RSU1: variants seen among roughly 807,000 people sequenced by gnomAD.
RSU1 encodes rsu-1.
A neutral mutation model predicts 31.1 loss-of-function variants in RSU1; 26 were observed. The observed-to-expected ratio is 0.84, with a 90% confidence interval of 0.61 to 1.16. The LOEUF is 1.16. Ranked by LOEUF, RSU1 falls within the 50% of genes most tolerant of loss-of-function variation. The pLI is 0.00. For synonymous variants in RSU1, 164 were observed against 136.3 expected (o/e 1.20, Z -1.41); for missense variants, 320 against 339.1 (o/e 0.94, Z 0.44).
At chr10:16,801,097 TAA>T (rs199590345) in intron 2 of RSU1, among the ~76,000 whole-genome samples, 3 of 147,170 alleles carry the variant, frequency 2.0e-5, no homozygotes, top group South Asian at 2.1e-4. Flanking sequence ...ATCTTTTTTT[TAA>T]AAAAAAAAAC....
intron 4 of RSU1, 68 bp from the exon 5 acceptor site, chr10:16,755,057 C>T (rs570538331): frequency 3.4e-6 from 3 of 885,158 alleles, no homozygotes; most frequent in African/African-American, 3.4e-5. Context: ...ATCAAGGGCA[C>T]CTCTGTTTCA....
intron 8 of RSU1, among the ~76,000 whole-genome samples, chr10:16,613,386 T>G (rs1182701621): frequency 1.3e-5 from 2 of 152,182 alleles, no homozygotes; most frequent in African/African-American, 4.8e-5. Context: ...AGCACAATGG[T>G]TCAGAGACTG....
chr10:16,660,206 G>C (rs961414316), intron 8 of RSU1, among the ~76,000 whole-genome samples: 1 of 152,166 alleles, frequency 6.6e-6, no homozygotes, highest in African/African-American at 2.4e-5. Context: ...TAAAAGGCTT[G>C]GGCTTCCGAA....
In RSU1 at chr10:16,695,164, G is replaced by GC. The variant is rs1835649436; in HGVS notation, c.599-10_599-9insG. On this transcript the variant is annotated splice_polypyrimidine_tract_variant and intron_variant, in intron 7 of 8. Transcript: ENST00000345264. ...AGTTAAATCCAAGTTTCCTGGGGGGGGGGAAAAAAAAAGTGAAGGTCACTT... is the reference window on the plus strand; with the variant it reads ...AGTTAAATCCAAGTTTCCTGGGGGGGCGGGAAAAAAAAAGTGAAGGTCACTT... 1 of 1,459,888 alleles carries GC rather than the reference G, an allele frequency of 6.8e-7. No homozygotes were observed. The highest frequency in any genetic ancestry group is 1.2e-5 in the South Asian group (1 of 82,690). 90.4% of individuals were successfully genotyped at this position (1,459,888 alleles called of 1,614,324 possible).
intron 7 of RSU1, among the ~76,000 whole-genome samples, chr10:16,732,937 T>C (rs1184148054): frequency 2.0e-5 from 3 of 152,082 alleles, no homozygotes; most frequent in Non-Finnish European, 4.4e-5. Context: ...ATGGATGGAG[T>C]TTGATAAAGT....
intron 7 of RSU1, among the ~76,000 whole-genome samples, chr10:16,711,354 G>A (rs763793757): frequency 1.3e-5 from 2 of 151,638 alleles, no homozygotes; most frequent in African/African-American, 2.4e-5. Context: ...CCAACTCTTC[G>A]TTTTCTTGAT....
In RSU1 at chr10:16,784,472, T is replaced by C. The variant is rs1837727895; in HGVS notation, c.110-2388A>G. On this transcript the variant is annotated intron_variant, in intron 2 of 8. Coordinates refer to ENST00000345264, the MANE Select transcript of RSU1 (RefSeq NM_012425.4). The stretch of plus-strand genomic sequence containing the variant: ...GTACAGGAAGCACAGAAGCATCTGA[T>C]TCTGGGGAGACCTCAGGGAACTTAT... 3.9e-5 allele frequency among the ~76,000 whole-genome samples: 6 copies of C among 152,180 alleles called. No individual in the cohort carries two copies. The South Asian group carries it at 1.2e-3, about 32-fold the overall frequency.
chr10:16,608,661 T>C (rs11254107), intron 8 of RSU1, among the ~76,000 whole-genome samples: 11,062 of 152,124 alleles, frequency 0.073, 1,077 homozygotes, highest in African/African-American at 0.22. Flanking sequence ...AATGGGATAA[T>C]GGAGACGGCA....
At chr10:16,608,399 G>A (rs1172781417) in intron 8 of RSU1, among the ~76,000 whole-genome samples, 3 of 150,762 alleles carry the variant, frequency 2.0e-5, no homozygotes, top group African/African-American at 7.3e-5. Context: ...AGGAATCAAC[G>A]CCAGAAAATA....
chr10:16,782,003 G>T, intron 3 of RSU1, 31 bp downstream of exon 3: 14 of 1,600,114 alleles, frequency 8.7e-6, no homozygotes, highest in South Asian at 2.2e-5. Flanking sequence ...CTAAATGTCA[G>T]AAACTGTAAC....
chr10:16,678,324 CTGA>C, intron 8 of RSU1, among the ~76,000 whole-genome samples: 1 of 152,364 alleles, frequency 6.6e-6, no homozygotes, highest in Middle Eastern at 3.4e-3. Flanking sequence ...CTAATGTTAT[CTGA>C]CAGGTGTTAT....
intron 7 of RSU1, among the ~76,000 whole-genome samples, chr10:16,698,724 A>G (rs7079901): frequency 0.42 from 64,126 of 152,076 alleles, 13,706 homozygotes; most frequent in African/African-American, 0.48. Flanking sequence ...CGCTGGATGC[A>G]AGCTAGACAT....
At chr10:16,788,469 C>G (rs536601252) in intron 2 of RSU1, among the ~76,000 whole-genome samples, 1 of 152,180 alleles carries the variant, frequency 6.6e-6, no homozygotes, top group Non-Finnish European at 1.5e-5. Flanking sequence ...GACACGATCT[C>G]TTTCTCCACT....
Position 16,817,357 on chromosome 10 carries a change from C to T in RSU1, c.-46G>A. 2.4e-6 allele frequency: 1 copy of T among 418,954 alleles called. No individual in the cohort carries two copies. Among genetic ancestry groups the T allele is most frequent in the Non-Finnish European group, 4.4e-6 (1 of 228,026 alleles). 26.0% of individuals were successfully genotyped at this position (418,954 alleles called of 1,614,324 possible). A position where few individuals can be genotyped will look rare whatever the true frequency, so the allele number is the denominator to read the frequency against. ...AAGACGATGGGCGTGCAACCACAAG[C>T]TTCGGCAGAACGCACTCCAGCTGCC... On this transcript the variant is annotated 5_prime_UTR_variant, in exon 1 of 9. Coordinates refer to ENST00000345264, the MANE Select transcript of RSU1 (RefSeq NM_012425.4).
chr10:16,800,549 A>G (rs1313212072), intron 2 of RSU1, among the ~76,000 whole-genome samples: 2 of 152,242 alleles, frequency 1.3e-5, no homozygotes, highest in East Asian at 3.8e-4. Context: ...GCAAAGAGAA[A>G]GAAGAGTAGG....
At chr10:16,743,743 C>T (rs1836794834) in intron 7 of RSU1, among the ~76,000 whole-genome samples, 2 of 152,144 alleles carry the variant, frequency 1.3e-5, no homozygotes, top group African/African-American at 4.8e-5. Flanking sequence ...AAACAAAAAT[C>T]TAGTCTAAAA....
At chr10:16,660,743 C>T (rs896833333) in intron 8 of RSU1, among the ~76,000 whole-genome samples, 6 of 146,414 alleles carry the variant, frequency 4.1e-5, no homozygotes, top group African/African-American at 1.6e-4. Flanking sequence ...ACTTCCTGGG[C>T]TCAAAGTGAT....
intron 8 of RSU1, among the ~76,000 whole-genome samples, chr10:16,638,919 C>T (rs939617625): frequency 6.6e-6 from 1 of 152,208 alleles, no homozygotes; most frequent in South Asian, 2.1e-4. Flanking sequence ...TCATCTTCCT[C>T]CTGTGTTTTA....
At chr10:16,684,853 CA>C (rs956521408) in intron 8 of RSU1, among the ~76,000 whole-genome samples, 5 of 152,124 alleles carry the variant, frequency 3.3e-5, no homozygotes, top group African/African-American at 1.2e-4. Context: ...AAAAAAACCC[CA>C]AAACTTCAAT....
Sources: allele counts gnomAD v4.1 joint callset (sites outside exome capture counted in the v4.1 genomes callset), GRCh38; gene constraint gnomAD v4.1.1; transcripts MANE v1.5; gene names NCBI Gene and HGNC (gene_info 2026-07-23, HGNC 2026-07-21).